Variants in OXCT1 observed in about 807,000 individuals in gnomAD.
OXCT1 encodes the protein succinyl-CoA:3-ketoacid coenzyme A transferase 1, mitochondrial.
OXCT1 carries 27 observed loss-of-function variants against 69.6 expected under a neutral mutation model. The ratio of observed to expected loss-of-function variants is 0.39; its 90% CI spans 0.29 to 0.54. The LOEUF (loss-of-function observed/expected upper bound fraction) is 0.54. OXCT1 is among the 20% of genes least tolerant of loss of function. The pLI is 0.72. For synonymous variants in OXCT1, 202 were observed against 217.8 expected (o/e 0.93, Z 0.64); for missense variants, 437 against 650.2 (o/e 0.67, Z 3.57).
At chr5:41,772,068 G>A (rs1249614881) in intron 13 of OXCT1, among the ~76,000 whole-genome samples, 3 of 152,128 alleles carry the variant, frequency 2.0e-5, no homozygotes. Context: ...TCATTTATGT[G>A]TCTGCATGTA....
At chr5:41,756,670 A>G (rs919314387) in intron 14 of OXCT1, among the ~76,000 whole-genome samples, 2 of 152,108 alleles carry the variant, frequency 1.3e-5, no homozygotes, top group African/African-American at 2.4e-5. Flanking sequence ...CTTATAACAG[A>G]GCCCCTGTCT....
At chr5:41,749,919 A>G (rs1036949459) in intron 14 of OXCT1, among the ~76,000 whole-genome samples, 3 of 152,034 alleles carry the variant, frequency 2.0e-5, no homozygotes, top group Non-Finnish European at 2.9e-5. Flanking sequence ...TATCCTGATT[A>G]TTTTTCCCTT....
chr5:41,783,216 T>C (rs1745494450), intron 13 of OXCT1, among the ~76,000 whole-genome samples: 1 of 152,190 alleles, frequency 6.6e-6, no homozygotes, highest in South Asian at 2.1e-4. Flanking sequence ...CTATTCTATT[T>C]TTATAGAGAG....
chr5:41,767,753 G>C (rs1283605734), intron 13 of OXCT1, among the ~76,000 whole-genome samples: 1 of 69,650 alleles, frequency 1.4e-5, no homozygotes, highest in African/African-American at 8.2e-5. Flanking sequence ...TATATATATA[G>C]TGTCTACTAT....
intron 2 of OXCT1, among the ~76,000 whole-genome samples, chr5:41,862,108 G>A (rs570070835): frequency 2.6e-5 from 4 of 152,296 alleles, no homozygotes; most frequent in Non-Finnish European, 4.4e-5. Flanking sequence ...CTACTCGGGA[G>A]GCTAAGGCAG....
intron 16 of OXCT1, among the ~76,000 whole-genome samples, chr5:41,737,906 T>G (rs1002949993): frequency 6.6e-6 from 1 of 152,040 alleles, no homozygotes; most frequent in Non-Finnish European, 1.5e-5. Context: ...ATACAAAAAA[T>G]TAGCCGGGCG....
At chr5:41,781,967 C>A (rs922050381) in intron 13 of OXCT1, among the ~76,000 whole-genome samples, 9 of 152,192 alleles carry the variant, frequency 5.9e-5, no homozygotes, top group Admixed American at 3.9e-4. Flanking sequence ...TGGGTATATA[C>A]CCAGCAATGG....
At chr5:41,851,726 AT>A (rs1749183649) in intron 4 of OXCT1, among the ~76,000 whole-genome samples, 1 of 152,130 alleles carries the variant, frequency 6.6e-6, no homozygotes, top group Non-Finnish European at 1.5e-5. Context: ...AAAAAAAAAA[AT>A]GATATATTAA....
intron 13 of OXCT1, among the ~76,000 whole-genome samples, chr5:41,764,241 C>T (rs1214934940): frequency 6.6e-6 from 1 of 152,118 alleles, no homozygotes; most frequent in Non-Finnish European, 1.5e-5. Context: ...AACTATGAGT[C>T]AATGGCAAAA....
At chr5:41,854,177 CA>C (rs11355215) in intron 3 of OXCT1, among the ~76,000 whole-genome samples, 32,132 of 148,638 alleles carry the variant, frequency 0.22, 3,522 homozygotes, top group Middle Eastern at 0.29. Context: ...CAAAAACAAG[CA>C]AAAAAAAAAT....
chr5:41,859,889 A>ATATATATATATATATATATAAT (rs1491189806), intron 3 of OXCT1, among the ~76,000 whole-genome samples: 1 of 88,656 alleles, frequency 1.1e-5, no homozygotes, highest in Non-Finnish European at 2.8e-5. Flanking sequence ...ATATATATGT[A>ATATATATATATATATATATAAT]ATATATATAT....
intron 13 of OXCT1, among the ~76,000 whole-genome samples, chr5:41,778,883 A>G (rs913757516): frequency 6.6e-6 from 1 of 152,138 alleles, no homozygotes; most frequent in African/African-American, 2.4e-5. Flanking sequence ...TTTTGATCCA[A>G]CGCCCTTTGG....
At chr5:41,744,945 C>T (rs1301453567) in intron 15 of OXCT1, among the ~76,000 whole-genome samples, 4 of 152,044 alleles carry the variant, frequency 2.6e-5, no homozygotes, top group South Asian at 2.1e-4. Context: ...CTTAGACTGC[C>T]ACACAATAAT....
intron 3 of OXCT1, among the ~76,000 whole-genome samples, chr5:41,859,907 T>TACACAC (rs3050897): frequency 1.4e-5 from 2 of 138,472 alleles, no homozygotes; most frequent in African/African-American, 5.3e-5. Flanking sequence ...TATATATATA[T>TACACAC]ACACACACAC....
At chr5:41,791,597 C>T (rs35861205) in intron 13 of OXCT1, among the ~76,000 whole-genome samples, 28,345 of 152,086 alleles carry the variant, frequency 0.19, 2,831 homozygotes, top group Middle Eastern at 0.29. Flanking sequence ...AAATCTTATA[C>T]TGATATGAAG....
At chr5:41,838,733 C>T (rs1748492016) in intron 7 of OXCT1, among the ~76,000 whole-genome samples, 1 of 151,970 alleles carries the variant, frequency 6.6e-6, no homozygotes, top group Non-Finnish European at 1.5e-5. Context: ...TCAGGCGATC[C>T]TCAGACCTCA....
chr5:41,751,623 A>T lies in OXCT1; in HGVS notation c.1339-2016T>A, dbSNP rs146206063. Among the ~76,000 whole-genome samples the T allele has an allele frequency of 2.0e-3, 311 of 152,276 alleles. 1 individual carries two copies. Among genetic ancestry groups the T allele is most frequent in the African/African-American group, 7.2e-3 (299 of 41,578 alleles). Reference sequence around the variant, plus strand: ...CATGAAATGCAAGGGTCCAGCACTTAGTGCTTAATGAATGTTAGCTGGTAC... The same window carrying T: ...CATGAAATGCAAGGGTCCAGCACTTTGTGCTTAATGAATGTTAGCTGGTAC... On this transcript the variant is annotated intron_variant, in intron 14 of 16. Coordinates refer to ENST00000196371, the MANE Select transcript of OXCT1 (RefSeq NM_000436.4).
intron 3 of OXCT1, 106 bp downstream of exon 3, chr5:41,861,208 A>G (rs1749717516): frequency 1.3e-6 from 1 of 790,842 alleles, no homozygotes; most frequent in Non-Finnish European, 2.2e-6. Context: ...GCTTGGACAT[A>G]TTGCTCATGT....
intron 7 of OXCT1, among the ~76,000 whole-genome samples, chr5:41,818,922 TAA>T (rs373863048): frequency 1.7e-4 from 24 of 143,822 alleles, no homozygotes; most frequent in Admixed American, 2.8e-4. Flanking sequence ...GTGACTCGTT[TAA>T]AAAAAAAAAA....
Sources: allele counts gnomAD v4.1 joint callset (sites outside exome capture counted in the v4.1 genomes callset), GRCh38; gene constraint gnomAD v4.1.1; transcripts MANE v1.5; gene names NCBI Gene and HGNC (gene_info 2026-07-23, HGNC 2026-07-21).